The following CRTC3 variants were observed in gnomAD, a reference collection of about 807,000 sequenced individuals.
CRTC3 encodes CREB-regulated transcription coactivator 3.
CRTC3 carries 26 observed loss-of-function variants against 74.5 expected under a neutral mutation model. The observed-to-expected ratio is 0.35, with a 90% confidence interval of 0.26 to 0.48. The LOEUF is 0.48. Ranked by LOEUF, CRTC3 falls within the 20% of genes least tolerant of loss-of-function variation. The pLI, the probability that CRTC3 is intolerant of heterozygous loss-of-function variation, is 0.99. For synonymous variants in CRTC3, 377 were observed against 325.8 expected, an observed-to-expected ratio of 1.16 and a Z score of -1.69; for missense variants, 760 against 787.3, an observed-to-expected ratio of 0.97 and a Z score of 0.41.
chr15:90,609,728 A>T (rs1159381323), intron 6 of CRTC3, among the ~76,000 whole-genome samples: 2 of 152,238 alleles, frequency 1.3e-5, no homozygotes, highest in African/African-American at 4.8e-5. Flanking sequence ...GAGGTGAGAA[A>T]TGTCAGAAGG....
chr15:90,631,251 A>G lies in CRTC3; in HGVS notation c.1266+1719A>G, dbSNP rs895368168. Among the ~76,000 whole-genome samples the G allele has an allele frequency of 2.6e-5, 4 of 152,020 alleles. No homozygotes were observed. The East Asian group carries it at 7.7e-4, about 29-fold the overall frequency. On this transcript the variant is annotated intron_variant, in intron 11 of 14. Transcript: ENST00000268184. ...CTCTTTTGGGCGAGGGTGAGAGGAC[A>G]TTTCATAATTTTTAAGTCTCACTCT...
chr15:90,542,194 T>C (rs898202983), intron 2 of CRTC3, among the ~76,000 whole-genome samples: 1 of 152,032 alleles, frequency 6.6e-6, no homozygotes, highest in African/African-American at 2.4e-5. Context: ...TTTTTTTTTT[T>C]TTGAGACCGA....
intron 2 of CRTC3, among the ~76,000 whole-genome samples, chr15:90,592,087 T>C (rs1200270128): frequency 6.6e-6 from 1 of 152,140 alleles, no homozygotes; most frequent in East Asian, 1.9e-4. Flanking sequence ...TTGGGAGAAA[T>C]AGGAGTAATT....
At chr15:90,620,151 A>T (rs1968604440) in intron 9 of CRTC3, 1 of 253,838 alleles carries the variant, frequency 3.9e-6, no homozygotes, top group Admixed American at 5.4e-5. Context: ...CATCGGTGAC[A>T]TCCTGGCCAG....
intron 2 of CRTC3, among the ~76,000 whole-genome samples, chr15:90,541,112 C>T (rs939253186): frequency 2.0e-5 from 3 of 152,200 alleles, no homozygotes; most frequent in Non-Finnish European, 4.4e-5. Context: ...ATTGGTGTTT[C>T]AGACAATGGT....
At chr15:90,550,119 G>C (rs542775654) in intron 2 of CRTC3, among the ~76,000 whole-genome samples, 4 of 150,780 alleles carry the variant, frequency 2.7e-5, no homozygotes, top group African/African-American at 9.7e-5. Flanking sequence ...ACTTACATTT[G>C]TAAGTTTGTA....
chr15:90,603,215 G>T lies in CRTC3; in HGVS notation c.413+830G>T, dbSNP rs549527580. On this transcript the variant is annotated intron_variant, in intron 4 of 14. Coordinates refer to ENST00000268184, the MANE Select transcript of CRTC3 (RefSeq NM_022769.5). ...TCCCAGCACTTTGGGAGGCCAAGGCGGGCAGATCACAAGCTCAGGAGATCG... is the reference window on the plus strand; with the variant it reads ...TCCCAGCACTTTGGGAGGCCAAGGCTGGCAGATCACAAGCTCAGGAGATCG... Among the ~76,000 whole-genome samples, 8 of 151,896 alleles carry T rather than the reference G, an allele frequency of 5.3e-5. 1 individual carries two copies. Among genetic ancestry groups the T allele is most frequent in the African/African-American group, 1.9e-4 (8 of 41,422 alleles).
intron 2 of CRTC3, among the ~76,000 whole-genome samples, chr15:90,591,835 A>G (rs1967808667): frequency 1.3e-5 from 2 of 152,330 alleles, no homozygotes; most frequent in South Asian, 4.1e-4. Flanking sequence ...CATCTTGCCA[A>G]GAAGCACCTG....
intron 9 of CRTC3, 179 bp downstream of exon 9, chr15:90,619,969 C>A: frequency 1.7e-6 from 1 of 589,006 alleles, no homozygotes; most frequent in Non-Finnish European, 3.0e-6. Context: ...TCTGTTTAAA[C>A]TAATTAAATT....
chr15:90,621,968 C>T (rs1056347648), intron 9 of CRTC3, among the ~76,000 whole-genome samples: 1 of 152,148 alleles, frequency 6.6e-6, no homozygotes, highest in Non-Finnish European at 1.5e-5. Context: ...AAGCAAAGCA[C>T]AGCAAAAGTC....
chr15:90,639,697 G>A (rs1219845947), intron 13 of CRTC3, among the ~76,000 whole-genome samples: 1 of 150,056 alleles, frequency 6.7e-6, no homozygotes, highest in Non-Finnish European at 1.5e-5. Flanking sequence ...TGATCCACCC[G>A]CCTTGGCCTC....
chr15:90,574,341 G>C (rs1175808660), intron 2 of CRTC3, among the ~76,000 whole-genome samples: 1 of 152,066 alleles, frequency 6.6e-6, no homozygotes, highest in Non-Finnish European at 1.5e-5. Flanking sequence ...AGCTGGGTGT[G>C]GTGGTGCGCA....
chr15:90,625,692 G>A (rs1596137190), intron 9 of CRTC3, 84 bp from the exon 10 acceptor site: 1 of 1,261,302 alleles, frequency 7.9e-7, no homozygotes, highest in East Asian at 2.3e-5. Flanking sequence ...GCTCTTATTT[G>A]ACAAGGAAAA....
chr15:90,560,080 A>C (rs1966979092), intron 2 of CRTC3, among the ~76,000 whole-genome samples: 1 of 152,240 alleles, frequency 6.6e-6, no homozygotes, highest in Non-Finnish European at 1.5e-5. Context: ...TATGTTATAA[A>C]TAGCTTTCCT....
chr15:90,573,977 CAT>C (rs962387196), intron 2 of CRTC3, among the ~76,000 whole-genome samples: 2 of 152,206 alleles, frequency 1.3e-5, no homozygotes, highest in Admixed American at 6.5e-5. Flanking sequence ...TGACCATACA[CAT>C]GTCTGTACCT....
At chr15:90,545,576 G>GC (rs1555446443) in intron 2 of CRTC3, among the ~76,000 whole-genome samples, 3,322 of 132,224 alleles carry the variant, frequency 0.025, 121 homozygotes, top group African/African-American at 0.085. Flanking sequence ...ATTTTTGTTT[G>GC]TTTTTTTTTT....
chr15:90,632,511 T>TTA (rs1236477029), intron 11 of CRTC3, among the ~76,000 whole-genome samples: 1 of 152,234 alleles, frequency 6.6e-6, no homozygotes, highest in East Asian at 1.9e-4. Context: ...AAAGGGCTTG[T>TTA]TATAGAAAAA....
chr15:90,581,278 C>G (rs1967534617), intron 2 of CRTC3, among the ~76,000 whole-genome samples: 1 of 152,144 alleles, frequency 6.6e-6, no homozygotes, highest in Admixed American at 6.5e-5. Flanking sequence ...GAAAAGTACC[C>G]TATGCTCTTT....
chr15:90,575,548 T>C (rs1170296276), intron 2 of CRTC3, among the ~76,000 whole-genome samples: 2 of 152,254 alleles, frequency 1.3e-5, no homozygotes, highest in East Asian at 3.8e-4. Context: ...GCTAGCTAGT[T>C]GTCTCAACAC....
Sources: gnomAD v4.1 joint callset for allele counts (sites outside exome capture counted in the v4.1 genomes callset) on GRCh38, gnomAD v4.1.1 for gene constraint, MANE v1.5 for transcripts, NCBI Gene and HGNC (gene_info 2026-07-23, HGNC 2026-07-21) for gene names.